AMMECR1: variants seen among roughly 807,000 people sequenced by gnomAD.
AMMECR1 encodes nuclear protein AMMECR1.
A neutral mutation model predicts 22.5 loss-of-function variants in AMMECR1; 3 were observed. That is an observed-to-expected ratio of 0.13 (90% CI 0.06 to 0.35). The LOEUF (loss-of-function observed/expected upper bound fraction) is 0.35, where lower values mean the gene tolerates loss of function less well. Ranked by LOEUF, AMMECR1 falls within the 10% of genes least tolerant of loss-of-function variation. AMMECR1 has a pLI of 1.00. For synonymous variants in AMMECR1, 130 were observed against 116.7 expected (o/e 1.11, Z -0.74); for missense variants, 235 against 278.7 (o/e 0.84, Z 1.12).
intron 1 of AMMECR1, among the ~76,000 whole-genome samples, chrX:110,310,720 C>T (rs73542203): frequency 7.8e-4 from 88 of 112,159 alleles, no homozygotes; most frequent in African/African-American, 2.7e-3. Context: ...CAAAACCTGG[C>T]CCTAGAGTAT....
Position 110,365,352 on chromosome X carries a change from C to T in AMMECR1, c.-147-47503G>A, listed in dbSNP as rs182172709. Reference sequence around the variant, plus strand: ...TTCTGGTGAAATCAGGCTTCCATGACGTTGAAATACAGAATAAACTCCAAA... The same window carrying T: ...TTCTGGTGAAATCAGGCTTCCATGATGTTGAAATACAGAATAAACTCCAAA... On this transcript the variant is annotated intron_variant, in intron 2 of 7. Transcript: ENST00000372057. Among the ~76,000 whole-genome samples, 8 of 112,119 alleles carry T rather than the reference C, an allele frequency of 7.1e-5. No homozygotes were observed. The East Asian group carries it at 8.3e-4, about 12-fold the overall frequency.
At chrX:110,238,546 A>T (rs1030008786) in intron 2 of AMMECR1, among the ~76,000 whole-genome samples, 2 of 112,400 alleles carry the variant, frequency 1.8e-5, no homozygotes, top group Non-Finnish European at 3.8e-5. Flanking sequence ...CAGCAGCCCC[A>T]GTCAGGGACT....
intron 2 of AMMECR1, among the ~76,000 whole-genome samples, chrX:110,382,029 A>T (rs540504037): frequency 1.8e-5 from 2 of 111,723 alleles, no homozygotes; most frequent in Admixed American, 9.5e-5. Context: ...AAATTTAAAC[A>T]GCTGCATTTT....
chrX:110,328,998 C>T (rs901804579), intron 2 of AMMECR1, among the ~76,000 whole-genome samples: 1 of 112,360 alleles, frequency 8.9e-6, no homozygotes, highest in African/African-American at 3.2e-5. Context: ...TGGGATTGCT[C>T]AGTCAAATGG....
chrX:110,277,210 T>C (rs1272283040), intron 1 of AMMECR1, among the ~76,000 whole-genome samples: 2 of 111,622 alleles, frequency 1.8e-5, no homozygotes, highest in Non-Finnish European at 3.8e-5. Flanking sequence ...GTTCAAACTC[T>C]GTGGTAGGTT....
At chrX:110,252,392 G>A (rs1377288622) in intron 2 of AMMECR1, among the ~76,000 whole-genome samples, 1 of 111,186 alleles carries the variant, frequency 9.0e-6, no homozygotes, top group Non-Finnish European at 1.9e-5. Flanking sequence ...TGACTAGCCT[G>A]GGTAACATAG....
chrX:110,200,066 TCTTC>T (rs904672440), intron 5 of AMMECR1, among the ~76,000 whole-genome samples: 1 of 111,489 alleles, frequency 9.0e-6, no homozygotes. Context: ...ACTCACAAGG[TCTTC>T]CTTAAGGGAA....
intron 2 of AMMECR1, among the ~76,000 whole-genome samples, chrX:110,230,124 C>G (rs772058887): frequency 1.8e-5 from 2 of 112,701 alleles, no homozygotes; most frequent in Admixed American, 9.3e-5. Context: ...CTTAAACATC[C>G]CTGTCTGACA....
At chrX:110,338,371 A>G (rs2068148945) in intron 2 of AMMECR1, among the ~76,000 whole-genome samples, 1 of 112,005 alleles carries the variant, frequency 8.9e-6, no homozygotes, top group South Asian at 3.7e-4. Context: ...TCAGAAGTAC[A>G]AACAATGAGT....
chrX:110,408,366 G>A (rs1285993568), intron 2 of AMMECR1, among the ~76,000 whole-genome samples: 2 of 112,108 alleles, frequency 1.8e-5, no homozygotes, highest in African/African-American at 6.5e-5. Flanking sequence ...ATGCAAGAGG[G>A]TATTCAGAGG....
At chrX:110,298,018 C>T (rs1035825235) in intron 1 of AMMECR1, among the ~76,000 whole-genome samples, 2 of 111,656 alleles carry the variant, frequency 1.8e-5, no homozygotes, top group Admixed American at 9.5e-5. Context: ...TTGTTATAAA[C>T]GTTTGGCTGT....
upstream of AMMECR1, among the ~76,000 whole-genome samples, chrX:110,318,671 AGAGCTCCATACCT>A (rs1172528400): frequency 9.0e-6 from 1 of 111,291 alleles, no homozygotes; most frequent in Non-Finnish European, 1.9e-5. Flanking sequence ...GCAGGTGCCC[AGAGCTCCATACCT>A]GAGACCGCCC....
chrX:110,219,494 A>C, intron 2 of AMMECR1: 1 of 752,122 alleles, frequency 1.3e-6, no homozygotes, highest in Non-Finnish European at 1.6e-6. Flanking sequence ...GTTTTAGCTC[A>C]ATGCAGTTCA....
chrX:110,369,695 T>C (rs1464728012), intron 2 of AMMECR1, among the ~76,000 whole-genome samples: 1 of 112,196 alleles, frequency 8.9e-6, no homozygotes, highest in Non-Finnish European at 1.9e-5. Context: ...TTATTGTGAA[T>C]TTTTTAGAGA....
At chrX:110,291,157 G>T (rs1453628351) in intron 1 of AMMECR1, among the ~76,000 whole-genome samples, 1 of 111,319 alleles carries the variant, frequency 9.0e-6, no homozygotes, top group Non-Finnish European at 1.9e-5. Flanking sequence ...AAAATATAAA[G>T]ATGAAGACAG....
chrX:110,216,177 G>A (rs189702907), intron 3 of AMMECR1, among the ~76,000 whole-genome samples: 4 of 111,553 alleles, frequency 3.6e-5, no homozygotes, highest in African/African-American at 1.3e-4. Context: ...ACTTAGTGGC[G>A]GTTATACCAG....
rs964925611 is a variant in AMMECR1 at position 110,283,629 on chromosome X, G to A, written c.474-19030C>T. Among the ~76,000 whole-genome samples, 4 of 111,320 alleles carry A rather than the reference G, an allele frequency of 3.6e-5. No homozygotes were observed. In the Admixed American group the frequency reaches 3.8e-4, roughly 11 times the overall value. Reference sequence around the variant, plus strand: ...GCTCCCTTGGGCCTCTTTTATAAAAGGGCACCAATCCCATTCATGAGGGCC... The same window carrying A: ...GCTCCCTTGGGCCTCTTTTATAAAAAGGCACCAATCCCATTCATGAGGGCC... On this transcript the variant is annotated intron_variant, in intron 1 of 5. Transcript: ENST00000262844.
In AMMECR1 at chrX:110,195,588, A is replaced by T. The variant is rs748616775; in HGVS notation, c.*2932T>A. ...ATGTAAACTTTGTGCTACTCAAATG[A>T]AGTTCAAGTATTACTTCTGAGCTGT... On this transcript the variant is annotated 3_prime_UTR_variant, in exon 6 of 6. Transcript: ENST00000262844. The T allele has an allele frequency of 1.4e-4, 16 of 112,426 alleles. No homozygotes were observed. Among genetic ancestry groups the T allele is most frequent in the Non-Finnish European group, 1.9e-5 (1 of 53,253 alleles). The allele number at this position is 112,426 out of a possible 1,213,427, so 9.3% of individuals were successfully genotyped here. A position where few individuals can be genotyped will look rare whatever the true frequency, so the allele number is the denominator to read the frequency against.
intron 2 of AMMECR1, chrX:110,219,281 C>G: frequency 4.7e-6 from 3 of 632,680 alleles, no homozygotes; most frequent in Non-Finnish European, 5.7e-6. Flanking sequence ...GTTCCAGTTT[C>G]TCCACATCCA....
Sources: allele counts gnomAD v4.1 joint callset (sites outside exome capture counted in the v4.1 genomes callset), GRCh38; gene constraint gnomAD v4.1.1; transcripts MANE v1.5; gene names NCBI Gene and HGNC (gene_info 2026-07-23, HGNC 2026-07-21).